Variants in PPP4R4 observed in about 807,000 individuals in gnomAD.
The protein encoded by PPP4R4 is protein phosphatase 4 regulatory subunit 4.
PPP4R4 carries 70 observed loss-of-function variants against 121.8 expected under a neutral mutation model. That is an observed-to-expected ratio of 0.57 (90% CI 0.47 to 0.70). PPP4R4 has a LOEUF of 0.70. Among genes scored for constraint, PPP4R4 ranks in the 30% least tolerant of loss-of-function variants. The probability of loss-of-function intolerance (pLI) is 0.00; values close to 1 mark genes in which losing one functional copy is unlikely to be tolerated. For missense variants in PPP4R4, 875 were observed against 1,033.6 expected (o/e 0.85, Z 2.10); for synonymous variants, 348 against 355.7 (o/e 0.98, Z 0.24).
chr14:94,187,186 C>T (rs1339333654), intron 2 of PPP4R4, among the ~76,000 whole-genome samples: 4 of 151,974 alleles, frequency 2.6e-5, no homozygotes, highest in Non-Finnish European at 4.4e-5. Flanking sequence ...TTGGTGGGCA[C>T]CTGTAATCCC....
intron 23 of PPP4R4, among the ~76,000 whole-genome samples, chr14:94,268,020 G>T (rs1894133032): frequency 2.0e-5 from 3 of 152,268 alleles, no homozygotes; most frequent in South Asian, 4.2e-4. Context: ...ATTATCGCAA[G>T]AAATAATTTG....
intron 2 of PPP4R4, among the ~76,000 whole-genome samples, chr14:94,203,674 C>G (rs1277252206): frequency 6.6e-6 from 1 of 152,152 alleles, no homozygotes; most frequent in African/African-American, 2.4e-5. Flanking sequence ...ACATTCCTAG[C>G]AGCAATGAGT....
intron 2 of PPP4R4, among the ~76,000 whole-genome samples, chr14:94,188,838 A>G (rs1162033293): frequency 1.3e-5 from 2 of 152,170 alleles, no homozygotes; most frequent in Non-Finnish European, 2.9e-5. Flanking sequence ...ATCACTTTGT[A>G]GCCTGTAAAT....
At chr14:94,233,508 C>T in intron 5 of PPP4R4, 145 bp from the exon 6 acceptor site, 24 of 566,260 alleles carry the variant, frequency 4.2e-5, no homozygotes, top group South Asian at 2.1e-4. Flanking sequence ...TAAGATAATC[C>T]AAGTTATTGA....
In PPP4R4 at chr14:94,267,044, A is replaced by G. The variant is rs754725444; in HGVS notation, c.2449+15A>G. 6.5e-7 allele frequency: 1 copy of G among 1,542,222 alleles called. No individual in the cohort carries two copies. The highest frequency in any genetic ancestry group is 1.2e-5 in the South Asian group (1 of 86,274). On this transcript the variant is annotated intron_variant, in intron 23 of 24. Transcript: ENST00000304338. Reference sequence around the variant, plus strand: ...TTCACTAGCTGGTAAGTAGCAATCTAAGTTCTTCAAAAAGTTGCTAAATTT... The same window carrying G: ...TTCACTAGCTGGTAAGTAGCAATCTGAGTTCTTCAAAAAGTTGCTAAATTT...
At chr14:94,248,531 A>G (rs1458921184) in intron 14 of PPP4R4, among the ~76,000 whole-genome samples, 1 of 152,082 alleles carries the variant, frequency 6.6e-6, no homozygotes, top group African/African-American at 2.4e-5. Context: ...TACCAATGTC[A>G]TTTTTCACAG....
At chr14:94,254,231 C>T (rs1893344890) in intron 16 of PPP4R4, among the ~76,000 whole-genome samples, 2 of 152,106 alleles carry the variant, frequency 1.3e-5, no homozygotes. Flanking sequence ...GTTTTCTAGA[C>T]ATGCCTTGGG....
chr14:94,218,409 ACC>A (rs1891156568), intron 3 of PPP4R4, among the ~76,000 whole-genome samples: 1 of 120,436 alleles, frequency 8.3e-6, no homozygotes, highest in South Asian at 2.9e-4. Flanking sequence ...ACACCTCCTC[ACC>A]CCTAGACACC....
At chr14:94,181,264 A>AAG (rs777300735) in intron 2 of PPP4R4, among the ~76,000 whole-genome samples, 6 of 151,710 alleles carry the variant, frequency 4.0e-5, no homozygotes, top group African/African-American at 1.2e-4. Flanking sequence ...AAGAGAGAGG[A>AAG]AGAGAGAGAG....
At chr14:94,253,115 G>T (rs897259650) in intron 16 of PPP4R4, among the ~76,000 whole-genome samples, 23 of 152,302 alleles carry the variant, frequency 1.5e-4, no homozygotes, top group Admixed American at 1.4e-3. Flanking sequence ...TATTTCTTGT[G>T]CTTTATAAAT....
rs151337568 is a variant in PPP4R4 at position 94,236,138 on chromosome 14, G to C, written c.732-1427G>C. ...CACTGTTGCTAAATAGTATTTAAGT[G>C]TCGTGTTGGAAGTTTAACACAATTA... On this transcript the variant is annotated intron_variant, in intron 7 of 24. Transcript: ENST00000304338. Among the ~76,000 whole-genome samples the C allele has an allele frequency of 6.4e-3, 969 of 152,220 alleles. 10 individuals are homozygous for C. The highest frequency in any genetic ancestry group is 0.021 in the African/African-American group (864 of 41,528).
intron 8 of PPP4R4, among the ~76,000 whole-genome samples, chr14:94,240,074 A>T (rs113688493): frequency 2.0e-5 from 3 of 152,334 alleles, no homozygotes; most frequent in African/African-American, 7.2e-5. Context: ...AGAAATTTGG[A>T]GAGCATTTAG....
At chr14:94,273,426 G>A (rs912423861) in intron 23 of PPP4R4, among the ~76,000 whole-genome samples, 2 of 152,122 alleles carry the variant, frequency 1.3e-5, no homozygotes, top group Non-Finnish European at 2.9e-5. Context: ...TATGGAGACA[G>A]TAAAATGATA....
At chr14:94,186,291 C>T (rs1889279052) in intron 2 of PPP4R4, among the ~76,000 whole-genome samples, 2 of 152,130 alleles carry the variant, frequency 1.3e-5, no homozygotes, top group South Asian at 4.1e-4. Flanking sequence ...TCCAGGCAAC[C>T]ACTGATGTGC....
chr14:94,189,130 A>T (rs530720568), intron 2 of PPP4R4, among the ~76,000 whole-genome samples: 1 of 152,332 alleles, frequency 6.6e-6, no homozygotes, highest in East Asian at 1.9e-4. Context: ...TTAGGAACCC[A>T]TGAGAGAGAT....
In PPP4R4 at chr14:94,234,632, A is replaced by G. The variant is rs780370179; in HGVS notation, c.694A>G (p.Met232Val). 6.2e-6 allele frequency: 10 copies of G among 1,606,938 alleles called. No homozygotes were observed. Among genetic ancestry groups the G allele is most frequent in the South Asian group, 1.1e-5 (1 of 90,830 alleles). ...TGTAGAATATGAAGTTCGATCTTGT[A>G]TGTGTCGGCAATTAGAAAATATAGC... ...QDVEYEVRSC[M>V]CRQLENIAQG... The change falls in exon 7 of 25, where the codon ATG becomes GTG. Residue 232 changes from methionine to valine, a missense_variant. Coordinates refer to ENST00000304338, the MANE Select transcript of PPP4R4 (RefSeq NM_058237.2).
chr14:94,264,517 A>G (rs755099376), intron 19 of PPP4R4, among the ~76,000 whole-genome samples: 7 of 152,176 alleles, frequency 4.6e-5, no homozygotes, highest in Non-Finnish European at 7.3e-5. Context: ...TTTTCTCTCA[A>G]TCTTTTTAAA....
chr14:94,265,469 G>A lies in PPP4R4; in HGVS notation c.2280G>A (p.Ser760=), dbSNP rs367998986. The A allele has an allele frequency of 8.1e-6, 13 of 1,603,112 alleles. No individual in the cohort carries two copies. Among genetic ancestry groups the A allele is most frequent in the South Asian group, 2.2e-5 (2 of 90,696 alleles). The change falls in exon 21 of 25, where the codon TCG becomes TCA. Residue 760 remains serine, a synonymous_variant. Transcript: ENST00000304338. ...CTGGACCCTCTTCTGTCACCCCATCGACAAGTAAGAAATAACTTCTTTTTA... is the reference window on the plus strand; with the variant it reads ...CTGGACCCTCTTCTGTCACCCCATCAACAAGTAAGAAATAACTTCTTTTTA... ...SVPGPSSVTP[S]TSKEIKKSKL... is the part of the protein sequence containing the mutation.
intron 3 of PPP4R4, among the ~76,000 whole-genome samples, chr14:94,211,770 A>G (rs989730562): frequency 6.6e-6 from 1 of 152,160 alleles, no homozygotes; most frequent in African/African-American, 2.4e-5. Context: ...CAACTAATTA[A>G]GACAGTAGAG....
Sources: gnomAD v4.1 joint callset for allele counts (sites outside exome capture counted in the v4.1 genomes callset) on GRCh38, gnomAD v4.1.1 for gene constraint, MANE v1.5 for transcripts, NCBI Gene and HGNC (gene_info 2026-07-23, HGNC 2026-07-21) for gene names.